KCNAB1: variants seen among roughly 807,000 people sequenced by gnomAD.
KCNAB1 encodes voltage-gated potassium channel subunit beta-1.
Under a neutral mutation model 64.6 loss-of-function variants are expected in KCNAB1, and 35 were observed. The ratio of observed to expected loss-of-function variants is 0.54; its 90% CI spans 0.41 to 0.72. The LOEUF is 0.72. Among genes scored for constraint, KCNAB1 ranks in the 30% least tolerant of loss-of-function variants. The pLI is 0.00. For synonymous variants in KCNAB1, 177 were observed against 183.8 expected, an observed-to-expected ratio of 0.96 and a Z score of 0.30; for missense variants, 401 against 512.9, an observed-to-expected ratio of 0.78 and a Z score of 2.11.
At chr3:156,274,339 A>T (rs1719213342) in intron 1 of KCNAB1, among the ~76,000 whole-genome samples, 1 of 152,192 alleles carries the variant, frequency 6.6e-6, no homozygotes, top group East Asian at 1.9e-4. Flanking sequence ...CCTGCTCTGT[A>T]ACCAAGTTTC....
intron 1 of KCNAB1, among the ~76,000 whole-genome samples, chr3:156,208,778 C>T (rs905933849): frequency 6.6e-6 from 1 of 152,202 alleles, no homozygotes; most frequent in Non-Finnish European, 1.5e-5. Flanking sequence ...AATTAGCCAG[C>T]ATTCTTACTA....
intron 2 of KCNAB1, among the ~76,000 whole-genome samples, chr3:156,437,779 G>C (rs1480937972): frequency 6.6e-6 from 1 of 152,172 alleles, no homozygotes; most frequent in Admixed American, 6.5e-5. Context: ...TATTTGGTCA[G>C]GGCGAAAGAC....
intron 1 of KCNAB1, among the ~76,000 whole-genome samples, chr3:156,132,234 C>T (rs979055883): frequency 6.6e-6 from 1 of 152,184 alleles, no homozygotes; most frequent in African/African-American, 2.4e-5. Flanking sequence ...CTGACCTTTC[C>T]TGAGCCACAT....
rs1371909764 is a variant in KCNAB1 at position 156,173,712 on chromosome 3, C to T, written c.275+52826C>T. 2.6e-5 allele frequency among the ~76,000 whole-genome samples: 4 copies of T among 152,302 alleles called. No individual in the cohort carries two copies. The East Asian group carries it at 5.8e-4, about 22-fold the overall frequency. ...TGCGATGGTTAATTTTATATGTCAA[C>T]TTGACAGGGCCACAGGGTGCCCAGA... is the stretch of plus-strand genomic sequence containing the variant. On this transcript the variant is annotated intron_variant, in intron 1 of 13. Transcript: ENST00000490337.
intron 1 of KCNAB1, among the ~76,000 whole-genome samples, chr3:156,292,547 G>C (rs1239923833): frequency 6.6e-6 from 1 of 152,046 alleles, no homozygotes; most frequent in Non-Finnish European, 1.5e-5. Flanking sequence ...TCTTTTGTTT[G>C]TTTTGTTTGA....
chr3:156,333,318 A>AC (rs1723464393), intron 1 of KCNAB1, among the ~76,000 whole-genome samples: 2 of 141,012 alleles, frequency 1.4e-5, no homozygotes, highest in African/African-American at 5.9e-5. Flanking sequence ...ACGCACATAG[A>AC]AACACACACA....
intron 1 of KCNAB1, among the ~76,000 whole-genome samples, chr3:156,251,150 G>A (rs1003994762): frequency 2.0e-5 from 3 of 152,184 alleles, no homozygotes; most frequent in African/African-American, 7.2e-5. Context: ...AGAAGACATG[G>A]CCAGCAAAGA....
chr3:156,479,861 C>T (rs1015569855), intron 8 of KCNAB1, among the ~76,000 whole-genome samples: 1 of 152,110 alleles, frequency 6.6e-6, no homozygotes, highest in Non-Finnish European at 1.5e-5. Flanking sequence ...GTTAGCTTCA[C>T]TTATTCCCAT....
chr3:156,249,570 A>G (rs200766555), intron 1 of KCNAB1, among the ~76,000 whole-genome samples: 13 of 138,596 alleles, frequency 9.4e-5, no homozygotes, highest in Admixed American at 2.9e-4. Flanking sequence ...TAAAAAAAAA[A>G]GAAAAAAAAG....
intron 1 of KCNAB1, among the ~76,000 whole-genome samples, chr3:156,263,156 C>G (rs116352282): frequency 0.01 from 1,534 of 151,718 alleles, 26 homozygotes; most frequent in African/African-American, 0.035. Flanking sequence ...TAATTCTTTT[C>G]TTTTACTTGG....
intron 1 of KCNAB1, among the ~76,000 whole-genome samples, chr3:156,222,309 G>A (rs1715828176): frequency 6.6e-6 from 1 of 152,128 alleles, no homozygotes; most frequent in Admixed American, 6.5e-5. Flanking sequence ...AAACTTTAAA[G>A]CAACATCAGT....
At chr3:156,200,482 A>C (rs899832882) in intron 1 of KCNAB1, among the ~76,000 whole-genome samples, 2 of 152,214 alleles carry the variant, frequency 1.3e-5, no homozygotes, top group Admixed American at 1.3e-4. Flanking sequence ...TAAGCCCCTG[A>C]CTGGGGCTGG....
At chr3:156,173,406 G>A (rs1437035096) in intron 1 of KCNAB1, among the ~76,000 whole-genome samples, 1 of 152,162 alleles carries the variant, frequency 6.6e-6, no homozygotes, top group Non-Finnish European at 1.5e-5. Context: ...ACTCTTCCTA[G>A]TTTTAACTAC....
At chr3:156,124,187 G>A (rs1442787434) in intron 1 of KCNAB1, among the ~76,000 whole-genome samples, 4 of 149,566 alleles carry the variant, frequency 2.7e-5, no homozygotes. Flanking sequence ...CCATATTTCT[G>A]CTTATTTTCT....
At chr3:156,478,935 G>T (rs1356838546) in intron 8 of KCNAB1, among the ~76,000 whole-genome samples, 1 of 152,070 alleles carries the variant, frequency 6.6e-6, no homozygotes, top group Non-Finnish European at 1.5e-5. Context: ...AGAAAGGGGT[G>T]AGAAACTTCA....
At chr3:156,530,096 A>G (rs1214196473) in intron 12 of KCNAB1, among the ~76,000 whole-genome samples, 1 of 152,222 alleles carries the variant, frequency 6.6e-6, no homozygotes, top group African/African-American at 2.4e-5. Context: ...GGCAGTATCT[A>G]AGCAGGTAAA....
At chr3:156,204,809 G>A (rs1030235409) in intron 1 of KCNAB1, among the ~76,000 whole-genome samples, 15 of 151,720 alleles carry the variant, frequency 9.9e-5, no homozygotes, top group African/African-American at 3.6e-4. Context: ...TCCAGTCTGG[G>A]CGACAGAGTG....
At chr3:156,368,670 T>G (rs1310742238) in intron 1 of KCNAB1, among the ~76,000 whole-genome samples, 1 of 152,242 alleles carries the variant, frequency 6.6e-6, no homozygotes, top group African/African-American at 2.4e-5. Context: ...TGACATTTAT[T>G]AATAAGTGTG....
At chr3:156,498,207 A>C (rs916461430) in intron 8 of KCNAB1, among the ~76,000 whole-genome samples, 8 of 152,224 alleles carry the variant, frequency 5.3e-5, no homozygotes, top group Non-Finnish European at 1.5e-5. Context: ...TTAAGAATGG[A>C]CAAGACAATG....
Sources: allele counts gnomAD v4.1 joint callset (sites outside exome capture counted in the v4.1 genomes callset), GRCh38; gene constraint gnomAD v4.1.1; transcripts MANE v1.5; gene names NCBI Gene and HGNC (gene_info 2026-07-23, HGNC 2026-07-21).